Variants in SV2C observed in about 807,000 individuals in gnomAD.
SV2C encodes the protein synaptic vesicle glycoprotein 2C, also known as solute carrier family 22 member B3.
Under a neutral mutation model 79.7 loss-of-function variants are expected in SV2C, and 49 were observed. The observed-to-expected ratio is 0.61, with a 90% CI of 0.49 to 0.78. The LOEUF is 0.78. Among genes scored for constraint, SV2C ranks in the 30% least tolerant of loss-of-function variants. The pLI, the probability that SV2C is intolerant of heterozygous loss-of-function variation, is 0.00. For synonymous variants in SV2C, 334 were observed against 333.2 expected, an observed-to-expected ratio of 1.00 and a Z score of -0.03; for missense variants, 833 against 912.9, an observed-to-expected ratio of 0.91 and a Z score of 1.13.
the SV2C span, among the ~76,000 whole-genome samples, chr5:75,888,979 C>T: frequency 6.6e-6 from 1 of 152,068 alleles, no homozygotes; most frequent in South Asian, 2.1e-4. Context: ...GGCCTCTCTC[C>T]TTGGCTGTCT....
the SV2C span, among the ~76,000 whole-genome samples, chr5:76,003,968 G>A: frequency 2.0e-5 from 3 of 152,164 alleles, no homozygotes; most frequent in African/African-American, 7.2e-5. Flanking sequence ...TTGGAGCAAA[G>A]GGTGGAGATG....
intron 12 of SV2C, among the ~76,000 whole-genome samples, chr5:76,348,269 C>T (rs1749580129): frequency 6.6e-6 from 1 of 152,176 alleles, no homozygotes; most frequent in Non-Finnish European, 1.5e-5. Flanking sequence ...CTTGATACCT[C>T]ATTTCTTTTT....
the SV2C span, among the ~76,000 whole-genome samples, chr5:75,970,379 C>T: frequency 1.3e-5 from 2 of 151,904 alleles, no homozygotes; most frequent in Non-Finnish European, 2.9e-5. Flanking sequence ...ATCAATGAAT[C>T]CAGGAGCTGG....
rs1368226000 is a variant in SV2C at position 76,285,262 on chromosome 5, A to T, written c.1014A>T (p.Thr338=). The change falls in exon 5 of 13, where the codon ACA becomes ACT. Residue 338 remains threonine, a synonymous_variant. Transcript: ENST00000502798. The part of the protein sequence containing the change: ...LPCVSSVVAL[T]FMPESPRFLL... ...GTGTCTCCTCCGTGGTGGCCCTCAC[A>T]TTCATGCCTGAAAGCCCACGATTCT... 1 of 1,614,168 alleles carries T rather than the reference A, an allele frequency of 6.2e-7. No homozygotes were observed. Among genetic ancestry groups the T allele is most frequent in the South Asian group, 1.1e-5 (1 of 91,082 alleles).
At chr5:76,146,739 A>G (rs1044968265) in intron 2 of SV2C, among the ~76,000 whole-genome samples, 2 of 140,604 alleles carry the variant, frequency 1.4e-5, no homozygotes, top group African/African-American at 2.6e-5. Context: ...TGTCTCTGAC[A>G]TGGGGGCTAA....
chr5:76,026,201 A>AACAAACAC, the SV2C span, among the ~76,000 whole-genome samples: 3 of 140,034 alleles, frequency 2.1e-5, no homozygotes, highest in African/African-American at 8.1e-5. Flanking sequence ...CAAATTTACA[A>AACAAACAC]ACACACACAC....
the SV2C span, among the ~76,000 whole-genome samples, chr5:76,067,166 T>C: frequency 1.6e-4 from 24 of 152,264 alleles, no homozygotes; most frequent in African/African-American, 5.5e-4. Context: ...ATTAGTAAAA[T>C]TGAGTATTTC....
At chr5:76,243,012 TAAAAAAAAAAAAAAAAA>T (rs559052290) in intron 4 of SV2C, among the ~76,000 whole-genome samples, 14 of 49,926 alleles carry the variant, frequency 2.8e-4, no homozygotes, top group Non-Finnish European at 3.9e-4. Flanking sequence ...AGACCCCATC[TAAAAAAAAAAAAAAAAA>T]AAAAAAAAAA....
At chr5:75,912,893 A>G in the SV2C span, among the ~76,000 whole-genome samples, 2 of 152,238 alleles carry the variant, frequency 1.3e-5, no homozygotes, top group African/African-American at 4.8e-5. Context: ...TACATTGCCC[A>G]AGAAGATGAT....
At chr5:76,254,230 ATGTGTGTGTG>A (rs35436365) in intron 4 of SV2C, among the ~76,000 whole-genome samples, 1 of 147,872 alleles carries the variant, frequency 6.8e-6, no homozygotes, top group African/African-American at 2.5e-5. Context: ...GTGTATATAT[ATGTGTGTGTG>A]TATATATATA....
the SV2C span, among the ~76,000 whole-genome samples, chr5:75,868,091 A>G: frequency 0.012 from 1,776 of 152,348 alleles, 30 homozygotes; most frequent in African/African-American, 0.04. Context: ...AAAGCTCAGA[A>G]GTGACATTTG....
chr5:76,005,401 C>G, the SV2C span, among the ~76,000 whole-genome samples: 2 of 152,218 alleles, frequency 1.3e-5, no homozygotes, highest in East Asian at 3.8e-4. Flanking sequence ...ATTTCTTACC[C>G]TCTAAGAGTT....
chr5:75,865,496 G>T, the SV2C span, among the ~76,000 whole-genome samples: 3 of 152,248 alleles, frequency 2.0e-5, no homozygotes, highest in African/African-American at 7.2e-5. Context: ...GCCACATCCA[G>T]AAGTGGCCTT....
the SV2C span, among the ~76,000 whole-genome samples, chr5:75,991,566 G>GATATATAT: frequency 2.8e-5 from 4 of 140,380 alleles, no homozygotes; most frequent in African/African-American, 1.1e-4. Context: ...TTCTTAGCAA[G>GATATATAT]ATATATATAT....
At chr5:76,173,878 T>G (rs1272758767) in intron 2 of SV2C, 1 of 1,596,728 alleles carries the variant, frequency 6.3e-7, no homozygotes, top group Non-Finnish European at 8.6e-7. Context: ...TGTCTTTAAC[T>G]CGAAGAATCT....
At chr5:75,884,908 A>G in the SV2C span, among the ~76,000 whole-genome samples, 4 of 152,286 alleles carry the variant, frequency 2.6e-5, no homozygotes, top group East Asian at 7.7e-4. Flanking sequence ...TCTTCAGAGT[A>G]TAATTAATAA....
At chr5:76,111,984 T>G (rs1279464941) in intron 1 of SV2C, among the ~76,000 whole-genome samples, 41 of 152,238 alleles carry the variant, frequency 2.7e-4, no homozygotes, top group Admixed American at 2.7e-3. Context: ...CACATTTGCA[T>G]ATCAAAGGCT....
the SV2C span, among the ~76,000 whole-genome samples, chr5:76,070,439 CACTTCAG>C: frequency 1.3e-5 from 2 of 152,294 alleles, no homozygotes; most frequent in South Asian, 2.1e-4. Flanking sequence ...TTTTCAGTGG[CACTTCAG>C]TCTCTTCTTC....
intron 4 of SV2C, among the ~76,000 whole-genome samples, chr5:76,220,094 T>C (rs67686955): frequency 0.059 from 9,008 of 152,306 alleles, 454 homozygotes; most frequent in African/African-American, 0.14. Context: ...TATGTCCCTC[T>C]GGTAAGTGGG....
Sources: allele counts gnomAD v4.1 joint callset (sites outside exome capture counted in the v4.1 genomes callset), GRCh38; gene constraint gnomAD v4.1.1; transcripts MANE v1.5; gene names NCBI Gene and HGNC (gene_info 2026-07-23, HGNC 2026-07-21).